Variants in EPAS1 observed in about 807,000 individuals in gnomAD.
EPAS1 encodes endothelial PAS domain protein 1.
In EPAS1, 23 loss-of-function variants were observed where a neutral mutation model predicts 87.9. The ratio of observed to expected loss-of-function variants is 0.26; its 90% CI spans 0.19 to 0.37. The LOEUF is 0.37. Ranked by LOEUF, EPAS1 falls within the 10% of genes least tolerant of loss-of-function variation. EPAS1 has a pLI of 1.00. For synonymous variants in EPAS1, 508 were observed against 444.3 expected (o/e 1.14, Z -1.80); for missense variants, 1,138 against 1,120.7 (o/e 1.02, Z -0.22).
At chr2:46,356,958 A>G in intron 4 of EPAS1, 150 bp downstream of exon 4, 2 of 681,646 alleles carry the variant, frequency 2.9e-6, no homozygotes, top group Non-Finnish European at 5.4e-6. Context: ...AGCCTGTGAG[A>G]TGAGATTGGG....
rs1684728376 is a variant in EPAS1, at chr2:46,375,639, G to A, written c.887-51G>A. 1.3e-6 allele frequency: 2 copies of A among 1,595,230 alleles called. No homozygotes were observed. Among genetic ancestry groups the A allele is most frequent in the Non-Finnish European group, 1.7e-6 (2 of 1,170,246 alleles). ...CCATGCGATCTGCTGAGCCTGTGGT[G>A]CACACCCCTGCCCCACCTCCCTAAG... is the stretch of plus-strand genomic sequence containing the variant. On this transcript the variant is annotated intron_variant, in intron 7 of 15. Coordinates refer to ENST00000263734, the MANE Select transcript of EPAS1 (RefSeq NM_001430.5). The surrounding 1 kb of genome is among the most constrained non-coding windows in gnomAD (Gnocchi z 4.1).
chr2:46,338,848 A>G (rs1389740077), intron 1 of EPAS1, among the ~76,000 whole-genome samples: 1 of 125,186 alleles, frequency 8.0e-6, no homozygotes, highest in Non-Finnish European at 1.6e-5. Flanking sequence ...ACCGTGACCC[A>G]TGCTTTGTGC....
rs1362874383 is a variant in EPAS1, at chr2:46,380,850, C to T, written c.2045+133C>T. ...ATACCCCATTTAGCCCTTCTCTGAG[C>T]TCAGACTTTGGGGAATCACCTCAAG... On this transcript the variant is annotated intron_variant, in intron 12 of 15. Coordinates refer to ENST00000263734, the MANE Select transcript of EPAS1 (RefSeq NM_001430.5). This position sits in a 1 kb window ranked among gnomAD's most constrained non-coding sequence, Gnocchi z 4.4. 30 of 1,491,216 alleles carry T rather than the reference C, an allele frequency of 2.0e-5. No individual in the cohort carries two copies. The highest frequency in any genetic ancestry group is 2.7e-5 in the Non-Finnish European group (29 of 1,093,742). The allele number at this position is 1,491,216 out of a possible 1,614,324, so 92.4% of individuals were successfully genotyped here.
chr2:46,382,099 G>T lies in EPAS1; in HGVS notation c.2287+10G>T, dbSNP rs763250188. The T allele has an allele frequency of 1.2e-6, 2 of 1,612,476 alleles. No homozygotes were observed. Among genetic ancestry groups the T allele is most frequent in the Non-Finnish European group, 1.7e-6 (2 of 1,179,262 alleles). On this transcript the variant is annotated intron_variant, in intron 14 of 15. Transcript: ENST00000263734. ...GCAAATGTACCCAATGGTGAGCAGC[G>T]GCCACAGGCCTGGGCCTCCTGGGGG...
chr2:46,307,948 A>G (rs1683139199), intron 1 of EPAS1, among the ~76,000 whole-genome samples: 2 of 152,170 alleles, frequency 1.3e-5, no homozygotes, highest in Non-Finnish European at 2.9e-5. Context: ...GGGCCTCAGT[A>G]AAGACATGGG....
rs113168597 is a variant in EPAS1 at position 46,358,474 on chromosome 2, T to G, written c.454+1666T>G. ...GAGAAAACCAAAGACTGATTTCTTC[T>G]GTACTCCAGAAACCCTTTGGCCTTT... On this transcript the variant is annotated intron_variant, in intron 4 of 15. Transcript: ENST00000263734. 8.1e-3 allele frequency among the ~76,000 whole-genome samples: 1,238 copies of G among 152,338 alleles called. 15 individuals are homozygous for G. The highest frequency in any genetic ancestry group is 0.029 in the African/African-American group (1,188 of 41,584).
chr2:46,375,648 T>C lies in EPAS1; in HGVS notation c.887-42T>C. 6.2e-7 allele frequency: 1 copy of C among 1,604,868 alleles called. No homozygotes were observed. Among genetic ancestry groups the C allele is most frequent in the Non-Finnish European group, 8.5e-7 (1 of 1,175,448 alleles). ...CTGCTGAGCCTGTGGTGCACACCCCTGCCCCACCTCCCTAAGCTCAGCTCT... is the reference window on the plus strand; with the variant it reads ...CTGCTGAGCCTGTGGTGCACACCCCCGCCCCACCTCCCTAAGCTCAGCTCT... On this transcript the variant is annotated intron_variant, in intron 7 of 15. Transcript: ENST00000263734. The surrounding 1 kb of genome is among the most constrained non-coding windows in gnomAD (Gnocchi z 4.1).
chr2:46,348,285 A>C (rs1237474305), intron 2 of EPAS1, among the ~76,000 whole-genome samples: 2 of 152,178 alleles, frequency 1.3e-5, no homozygotes, highest in Non-Finnish European at 2.9e-5. Context: ...AGAACAATGC[A>C]AGACAATGGC....
At position 46,385,626 on chromosome 2, in the gene EPAS1, C is replaced by T. The variant is rs377216737; in HGVS notation, c.*966C>T. ...GTGATATGCCATAGGTGTGACAATCCGAGCAGTGGAGTCATTCAGCGGGAG... is the reference window on the plus strand; with the variant it reads ...GTGATATGCCATAGGTGTGACAATCTGAGCAGTGGAGTCATTCAGCGGGAG... On this transcript the variant is annotated 3_prime_UTR_variant, in exon 16 of 16. Coordinates refer to ENST00000263734, the MANE Select transcript of EPAS1 (RefSeq NM_001430.5). 8 of 151,880 alleles carry T rather than the reference C, an allele frequency of 5.3e-5. No homozygotes were observed. Among genetic ancestry groups the T allele is most frequent in the East Asian group, 1.9e-4 (1 of 5,164 alleles). 9.4% of individuals were successfully genotyped at this position (151,880 alleles called of 1,614,324 possible).
chr2:46,336,577 T>C (rs1360498907), intron 1 of EPAS1, among the ~76,000 whole-genome samples: 2 of 152,168 alleles, frequency 1.3e-5, no homozygotes, highest in African/African-American at 4.8e-5. Flanking sequence ...TAAAGAAAGC[T>C]ACAAAGAGAA....
At chr2:46,341,744 G>GTT (rs1417458518) in intron 1 of EPAS1, among the ~76,000 whole-genome samples, 1 of 152,204 alleles carries the variant, frequency 6.6e-6, no homozygotes, top group African/African-American at 2.4e-5. Context: ...GGAAATCTAT[G>GTT]TTTTCATAAG....
At chr2:46,322,532 G>T (rs543637181) in intron 1 of EPAS1, among the ~76,000 whole-genome samples, 4 of 152,308 alleles carry the variant, frequency 2.6e-5, no homozygotes, top group Admixed American at 6.5e-5. Context: ...CTGAGGTGGA[G>T]CCTGAGAGTG....
chr2:46,346,744 T>G lies in EPAS1; in HGVS notation c.27-129T>G, dbSNP rs1684035110. The G allele has an allele frequency of 1.1e-6, 1 of 926,270 alleles. No individual in the cohort carries two copies. The highest frequency in any genetic ancestry group is 2.0e-5 in the Admixed American group (1 of 49,654). 57.4% of individuals were successfully genotyped at this position (926,270 alleles called of 1,614,324 possible). ...GGTTGTGTGTGGCTCAGACAACTGG[T>G]GTGAGCCCAGATCAGTCTAGTAAGG... On this transcript the variant is annotated intron_variant, in intron 1 of 15. Transcript: ENST00000263734. This position sits in a 1 kb window ranked among gnomAD's most constrained non-coding sequence, Gnocchi z 4.0.
intron 6 of EPAS1, among the ~76,000 whole-genome samples, chr2:46,368,422 A>C (rs755188254): frequency 6.6e-6 from 1 of 152,190 alleles, no homozygotes; most frequent in Non-Finnish European, 1.5e-5. Context: ...TGAAAATCAA[A>C]TTGCTCAAAA....
chr2:46,372,461 G>A (rs1178585929), intron 7 of EPAS1, among the ~76,000 whole-genome samples: 3 of 152,152 alleles, frequency 2.0e-5, no homozygotes, highest in African/African-American at 4.8e-5. Context: ...AGCCTGTAAA[G>A]GTTTACCGTT....
Position 46,307,465 on chromosome 2 carries a change from C to T in EPAS1, c.26+9528C>T, listed in dbSNP as rs552504478. Among the ~76,000 whole-genome samples, 18 of 152,268 alleles carry T rather than the reference C, an allele frequency of 1.2e-4. No homozygotes were observed. The South Asian group carries it at 3.7e-3, about 32-fold the overall frequency. On this transcript the variant is annotated intron_variant, in intron 1 of 15. Coordinates refer to ENST00000263734, the MANE Select transcript of EPAS1 (RefSeq NM_001430.5). ...ATATCGTTGTGCAGCGGGAGTCTGT[C>T]TTTTATTCTGTACCCGGGACTTAGG...
At chr2:46,384,318 C>A (rs567273247) in intron 15 of EPAS1, among the ~76,000 whole-genome samples, 191 bp from the exon 16 acceptor site, 4 of 152,298 alleles carry the variant, frequency 2.6e-5, no homozygotes, top group African/African-American at 7.2e-5. Flanking sequence ...GGTCTCAGCA[C>A]CCCACCTGAG....
chr2:46,312,913 T>G (rs1158669410), intron 1 of EPAS1, among the ~76,000 whole-genome samples: 1 of 152,174 alleles, frequency 6.6e-6, no homozygotes, highest in Non-Finnish European at 1.5e-5. Flanking sequence ...CTGTCGAGAA[T>G]GGGAATATCC....
chr2:46,358,911 A>G (rs1053616273), intron 4 of EPAS1, among the ~76,000 whole-genome samples: 10 of 152,020 alleles, frequency 6.6e-5, no homozygotes, highest in African/African-American at 9.7e-5. Flanking sequence ...GACAATGGGG[A>G]GCTATTGAAG....
Sources: gnomAD v4.1 joint callset for allele counts (sites outside exome capture counted in the v4.1 genomes callset) on GRCh38, gnomAD v4.1.1 for gene constraint, Gnocchi (gnomAD v3.1) non-coding constraint, MANE v1.5 for transcripts, NCBI Gene and HGNC (gene_info 2026-07-23, HGNC 2026-07-21) for gene names.